Variants in APBA2 observed in about 807,000 individuals in gnomAD.
The protein encoded by APBA2 is amyloid-beta A4 precursor protein-binding family A member 2.
APBA2 carries 30 observed loss-of-function variants against 75.0 expected under a neutral mutation model. That is an observed-to-expected ratio of 0.40 (90% CI 0.30 to 0.54). The LOEUF is 0.54. APBA2 is among the 20% of genes least tolerant of loss of function. The pLI, the probability that APBA2 is intolerant of heterozygous loss-of-function variation, is 0.49. For synonymous variants in APBA2, 444 were observed against 409.6 expected (o/e 1.08, Z -1.01); for missense variants, 801 against 1,016.1 (o/e 0.79, Z 2.88).
chr15:28,910,019 C>T (rs1199386216), intron 1 of APBA2, among the ~76,000 whole-genome samples: 3 of 152,096 alleles, frequency 2.0e-5, no homozygotes, highest in Non-Finnish European at 4.4e-5. Context: ...TAAATATTAT[C>T]CGAAGTTGGT....
rs563112411 is a variant in APBA2, at chr15:29,013,424, C to T, written c.-41+17618C>T. Among the ~76,000 whole-genome samples the T allele has an allele frequency of 4.6e-5, 7 of 152,052 alleles. No individual in the cohort carries two copies. In the East Asian group the frequency reaches 5.8e-4, roughly 13 times the overall value. On this transcript the variant is annotated intron_variant, in intron 3 of 14. Coordinates refer to ENST00000683413, the MANE Select transcript of APBA2 (RefSeq NM_001353788.2). The stretch of plus-strand genomic sequence containing the variant: ...CCTCCCAAGTAGCTGGGACTACAGG[C>T]GCCCGCCACCGCGCCTGGCCAATTT...
At position 29,070,205 on chromosome 15, in the gene APBA2, C is replaced by A. The variant is rs547365917; in HGVS notation, c.952-4716C>A. Among the ~76,000 whole-genome samples the A allele has an allele frequency of 2.4e-4, 36 of 152,288 alleles. 1 individual carries two copies. The highest frequency in any genetic ancestry group is 2.0e-3 in the Admixed American group (31 of 15,298). ...ATGAATTTAATAACACTGAACTGTACACTCAAAAATGGTTAAGATAGTATA... is the reference window on the plus strand; with the variant it reads ...ATGAATTTAATAACACTGAACTGTAAACTCAAAAATGGTTAAGATAGTATA... On this transcript the variant is annotated intron_variant, in intron 4 of 14. Transcript: ENST00000683413.
chr15:28,962,121 G>A (rs2036505611), intron 2 of APBA2, among the ~76,000 whole-genome samples: 1 of 152,054 alleles, frequency 6.6e-6, no homozygotes, highest in East Asian at 1.9e-4. Flanking sequence ...TGTGTCATAG[G>A]TTTCAAACCA....
chr15:29,030,002 G>A (rs932241676), intron 3 of APBA2, among the ~76,000 whole-genome samples: 6 of 152,314 alleles, frequency 3.9e-5, no homozygotes, highest in African/African-American at 1.4e-4. Context: ...CTGGCCATGT[G>A]GAGCTCTGGG....
chr15:28,909,734 C>CA (rs1381981006), intron 1 of APBA2, among the ~76,000 whole-genome samples: 2 of 152,192 alleles, frequency 1.3e-5, no homozygotes, highest in African/African-American at 4.8e-5. Flanking sequence ...AGCAACATGC[C>CA]ACGTTAGTGC....
intron 13 of APBA2, among the ~76,000 whole-genome samples, chr15:29,111,230 G>T (rs557667072): frequency 6.6e-6 from 1 of 151,980 alleles, no homozygotes; most frequent in Non-Finnish European, 1.5e-5. Context: ...AAACTTGGGG[G>T]GTGGTCTGGG....
At chr15:28,911,766 T>C (rs1333689803) in intron 1 of APBA2, among the ~76,000 whole-genome samples, 1 of 152,232 alleles carries the variant, frequency 6.6e-6, no homozygotes, top group East Asian at 1.9e-4. Context: ...TTTCTGATTC[T>C]AATCAGAAGT....
At chr15:29,000,112 A>G (rs1234424735) in intron 3 of APBA2, among the ~76,000 whole-genome samples, 2 of 152,194 alleles carry the variant, frequency 1.3e-5, no homozygotes, top group Non-Finnish European at 2.9e-5. Context: ...TCCAATGGTA[A>G]CCGCTTCCAG....
At chr15:29,115,732 A>G (rs962845699) in intron 14 of APBA2, among the ~76,000 whole-genome samples, 3 of 152,280 alleles carry the variant, frequency 2.0e-5, no homozygotes, top group Non-Finnish European at 2.9e-5. Flanking sequence ...ACGCCGGGGA[A>G]TGGCTGATGG....
chr15:28,936,282 T>C (rs1037942950), intron 2 of APBA2, among the ~76,000 whole-genome samples: 4 of 152,190 alleles, frequency 2.6e-5, no homozygotes, highest in African/African-American at 9.6e-5. Context: ...GTCCATTCAG[T>C]CCCCAGCCTG....
At chr15:29,042,510 G>A (rs527816892) in intron 3 of APBA2, among the ~76,000 whole-genome samples, 3 of 151,972 alleles carry the variant, frequency 2.0e-5, no homozygotes, top group Admixed American at 6.6e-5. Flanking sequence ...CGCCCGCCTC[G>A]GCCTCCCAAA....
intron 1 of APBA2, among the ~76,000 whole-genome samples, chr15:28,888,334 A>G (rs150337255): frequency 0.45 from 68,038 of 152,080 alleles, 15,529 homozygotes; most frequent in Non-Finnish European, 0.47. Flanking sequence ...TTTCCTAGAC[A>G]AAACTGAGGA....
At chr15:29,110,853 T>G (rs1169660179) in intron 13 of APBA2, among the ~76,000 whole-genome samples, 1 of 151,502 alleles carries the variant, frequency 6.6e-6, no homozygotes, top group Non-Finnish European at 1.5e-5. Flanking sequence ...AGCTGGAGAG[T>G]GCAATGGGCA....
Position 29,113,932 on chromosome 15 carries a change from C to T in APBA2, c.2094C>T (p.His698=), listed in dbSNP as rs1389422828. 1.9e-6 allele frequency: 3 copies of T among 1,613,512 alleles called. No individual in the cohort carries two copies. Among genetic ancestry groups the T allele is most frequent in the Admixed American group, 1.7e-5 (1 of 60,030 alleles). ...AGCGAGGGGGCGTCCGTGTGGGCCA[C>T]CGCATCATCGAGATCAACGGGCAGA... The part of the protein sequence containing the change: ...IAERGGVRVG[H]RIIEINGQSV... Residue 698 remains histidine, a synonymous_variant, in exon 14 of 15, where the codon CAC becomes CAT. Transcript: ENST00000683413.
At chr15:29,006,054 A>G (rs2039097719) in intron 3 of APBA2, among the ~76,000 whole-genome samples, 1 of 152,190 alleles carries the variant, frequency 6.6e-6, no homozygotes, top group Admixed American at 6.5e-5. Context: ...CACCACTTCT[A>G]TTTAACATAG....
chr15:28,941,515 A>T (rs1411361306), intron 2 of APBA2, among the ~76,000 whole-genome samples: 3 of 151,840 alleles, frequency 2.0e-5, no homozygotes, highest in Non-Finnish European at 2.9e-5. Context: ...AAAAAAAAAA[A>T]AAAAAAAAAA....
At chr15:29,068,916 C>T (rs1364820244) in intron 4 of APBA2, among the ~76,000 whole-genome samples, 1 of 152,176 alleles carries the variant, frequency 6.6e-6, no homozygotes, top group East Asian at 1.9e-4. Flanking sequence ...AATTCAGTGG[C>T]ATTTATCACA....
At chr15:29,066,772 C>T (rs2042397162) in intron 4 of APBA2, among the ~76,000 whole-genome samples, 1 of 152,176 alleles carries the variant, frequency 6.6e-6, no homozygotes, top group Non-Finnish European at 1.5e-5. Context: ...CAGTGAATAA[C>T]TGGTTTGAAC....
chr15:28,950,162 T>C (rs781253364), intron 2 of APBA2, among the ~76,000 whole-genome samples: 1 of 152,208 alleles, frequency 6.6e-6, no homozygotes, highest in African/African-American at 2.4e-5. Flanking sequence ...GTTTATCTGC[T>C]GTTCTTCTCA....
Sources: allele counts gnomAD v4.1 joint callset (sites outside exome capture counted in the v4.1 genomes callset), GRCh38; gene constraint gnomAD v4.1.1; transcripts MANE v1.5; gene names NCBI Gene and HGNC (gene_info 2026-07-23, HGNC 2026-07-21).